Variants in NTRK2 observed in about 807,000 individuals in gnomAD.
NTRK2 encodes the protein neurotrophic receptor tyrosine kinase 2.
NTRK2 carries 13 observed loss-of-function variants against 94.5 expected under a neutral mutation model. That is an observed-to-expected ratio of 0.14 (90% CI 0.09 to 0.22). NTRK2 has a LOEUF of 0.22. Among genes scored for constraint, NTRK2 ranks in the 10% least tolerant of loss-of-function variants. The pLI is 1.00. For synonymous variants in NTRK2, 372 were observed against 407.4 expected (o/e 0.91, Z 1.05); for missense variants, 639 against 1,071.2 (o/e 0.60, Z 5.63).
chr9:84,938,277 G>T (rs1231337242), intron 15 of NTRK2, among the ~76,000 whole-genome samples: 1 of 152,138 alleles, frequency 6.6e-6, no homozygotes, highest in African/African-American at 2.4e-5. Context: ...CCAAGAGTTT[G>T]GAAAAGTTTT....
At chr9:84,954,353 C>T (rs1019362309) in intron 16 of NTRK2, among the ~76,000 whole-genome samples, 3 of 152,196 alleles carry the variant, frequency 2.0e-5, no homozygotes, top group Non-Finnish European at 2.9e-5. Flanking sequence ...CATCCTAAGA[C>T]GCGGATCCTC....
chr9:84,869,210 G>A (rs1300256500), intron 14 of NTRK2, among the ~76,000 whole-genome samples: 1 of 152,112 alleles, frequency 6.6e-6, no homozygotes, highest in Admixed American at 6.5e-5. Context: ...AAAGGTTTGG[G>A]TTCCTTTTGG....
At chr9:84,797,730 T>G (rs1668765502) in intron 12 of NTRK2, among the ~76,000 whole-genome samples, 2 of 80,638 alleles carry the variant, frequency 2.5e-5, no homozygotes, top group Non-Finnish European at 4.4e-5. Flanking sequence ...ATATTATATA[T>G]TATATATACT....
intron 3 of NTRK2, 31 bp from the exon 4 acceptor site, chr9:84,702,317 C>T: frequency 1.9e-6 from 3 of 1,611,910 alleles, no homozygotes; most frequent in Non-Finnish European, 2.5e-6. Flanking sequence ...CTGGTTCGTT[C>T]TAATGTGCAT....
intron 16 of NTRK2, among the ~76,000 whole-genome samples, chr9:84,953,847 A>AC (rs1233034817): frequency 6.6e-6 from 1 of 151,992 alleles, no homozygotes; most frequent in Non-Finnish European, 1.5e-5. Context: ...GGCCTGGGAG[A>AC]CCCCCCAACT....
chr9:84,764,973 G>A (rs1452504058), intron 12 of NTRK2, among the ~76,000 whole-genome samples: 2 of 152,176 alleles, frequency 1.3e-5, no homozygotes, highest in Admixed American at 6.6e-5. Context: ...GACAAACATA[G>A]CATATTCTCA....
intron 17 of NTRK2, among the ~76,000 whole-genome samples, chr9:85,000,857 G>A (rs2133402798): frequency 6.6e-6 from 1 of 152,308 alleles, no homozygotes. Context: ...CAAAATGGCT[G>A]TATCATTTTG....
At chr9:84,802,028 C>A (rs1395583959) in intron 12 of NTRK2, among the ~76,000 whole-genome samples, 1 of 152,180 alleles carries the variant, frequency 6.6e-6, no homozygotes, top group Non-Finnish European at 1.5e-5. Context: ...TAAGAATTTG[C>A]ATCAGGTTAT....
At chr9:84,885,022 C>T (rs553046684) in intron 14 of NTRK2, among the ~76,000 whole-genome samples, 14 of 152,194 alleles carry the variant, frequency 9.2e-5, no homozygotes, top group South Asian at 4.2e-4. Context: ...GGCAAGGAAA[C>T]GGATGGAAAA....
intron 14 of NTRK2, among the ~76,000 whole-genome samples, chr9:84,887,949 C>T (rs2076467987): frequency 6.6e-6 from 1 of 152,134 alleles, no homozygotes; most frequent in Admixed American, 6.5e-5. Flanking sequence ...TACTTTCTGT[C>T]CTATTTGATT....
intron 17 of NTRK2, among the ~76,000 whole-genome samples, chr9:84,962,503 T>C (rs1825067312): frequency 6.6e-6 from 1 of 152,142 alleles, no homozygotes; most frequent in African/African-American, 2.4e-5. Flanking sequence ...TTTTTGGTCT[T>C]CTGAGTCTCT....
chr9:84,885,567 C>G (rs2076389082), intron 14 of NTRK2, among the ~76,000 whole-genome samples: 1 of 151,918 alleles, frequency 6.6e-6, no homozygotes, highest in South Asian at 2.1e-4. Context: ...CATGGAAAAC[C>G]CTTAGACTGA....
intron 12 of NTRK2, among the ~76,000 whole-genome samples, chr9:84,758,005 A>G (rs192338979): frequency 2.6e-5 from 4 of 152,248 alleles, no homozygotes; most frequent in Middle Eastern, 3.4e-3. Context: ...AATATTATCA[A>G]TCTTTTGGCT....
chr9:85,006,493 C>T (rs769931746), intron 17 of NTRK2, among the ~76,000 whole-genome samples: 36 of 149,972 alleles, frequency 2.4e-4, no homozygotes, highest in Non-Finnish European at 4.0e-4. Context: ...CCTGAGGCTC[C>T]TCACCCTGGG....
Position 84,973,931 on chromosome 9 carries a change from G to T in NTRK2, c.2172+18414G>T, listed in dbSNP as rs1425515559. ...TTTCTCCTACAGAATGTACAGTTTT[G>T]CTCAATGGTATTTTTTAAAGTTTAT... On this transcript the variant is annotated intron_variant, in intron 17 of 18. Transcript: ENST00000277120. Among the ~76,000 whole-genome samples the T allele has an allele frequency of 2.6e-5, 4 of 152,126 alleles. No homozygotes were observed. The South Asian group carries it at 8.3e-4, about 32-fold the overall frequency.
intron 14 of NTRK2, chr9:84,876,944 T>C: frequency 5.7e-6 from 6 of 1,061,302 alleles, no homozygotes; most frequent in Non-Finnish European, 6.8e-6. Context: ...CCTAGATTTT[T>C]ATGGACATTG....
At chr9:84,818,049 T>TAATG (rs1168443906) in intron 12 of NTRK2, among the ~76,000 whole-genome samples, 2 of 152,220 alleles carry the variant, frequency 1.3e-5, no homozygotes, top group African/African-American at 2.4e-5. Context: ...ACCTAAGAGA[T>TAATG]AATGATAGGT....
intron 14 of NTRK2, chr9:84,877,820 T>A: frequency 3.8e-6 from 4 of 1,046,132 alleles, no homozygotes; most frequent in Non-Finnish European, 4.6e-6. Context: ...GAAAATGAGA[T>A]CTTTTGTACT....
intron 14 of NTRK2, among the ~76,000 whole-genome samples, chr9:84,891,746 G>A (rs2076601468): frequency 6.6e-6 from 1 of 152,140 alleles, no homozygotes; most frequent in African/African-American, 2.4e-5. Flanking sequence ...TTTTATTGAC[G>A]TTCATGTCTA....
Sources: allele counts gnomAD v4.1 joint callset (sites outside exome capture counted in the v4.1 genomes callset), GRCh38; gene constraint gnomAD v4.1.1; transcripts MANE v1.5; gene names NCBI Gene and HGNC (gene_info 2026-07-23, HGNC 2026-07-21).